The following XKR6 variants were observed in gnomAD, a reference collection of about 807,000 sequenced individuals.
The protein encoded by XKR6 is XK related 6, also known as XK-related protein 6.
A neutral mutation model predicts 56.7 loss-of-function variants in XKR6; 22 were observed. The ratio of observed to expected loss-of-function variants is 0.39; its 90% CI spans 0.28 to 0.55. The LOEUF is 0.55. XKR6 is among the 20% of genes least tolerant of loss of function. The probability of loss-of-function intolerance (pLI) is 0.66; values close to 1 mark genes in which losing one functional copy is unlikely to be tolerated. For synonymous variants in XKR6, 524 were observed against 387.8 expected, an observed-to-expected ratio of 1.35 and a Z score of -4.13; for missense variants, 852 against 889.0, an observed-to-expected ratio of 0.96 and a Z score of 0.53.
chr8:10,930,574 G>C (rs576949978), intron 1 of XKR6, among the ~76,000 whole-genome samples: 8 of 152,154 alleles, frequency 5.3e-5, no homozygotes, highest in Non-Finnish European at 1.0e-4. Context: ...ATTAAATCCA[G>C]TAATATATGG....
intron 1 of XKR6, among the ~76,000 whole-genome samples, chr8:11,165,922 G>C (rs182315520): frequency 6.6e-5 from 10 of 150,436 alleles, no homozygotes; most frequent in African/African-American, 2.5e-4. Flanking sequence ...CTGTTTGATG[G>C]ATACATTCAT....
At chr8:11,158,400 A>G (rs1801631757) in intron 1 of XKR6, among the ~76,000 whole-genome samples, 2 of 152,238 alleles carry the variant, frequency 1.3e-5, no homozygotes, top group African/African-American at 4.8e-5. Flanking sequence ...GAACATGACC[A>G]GTTGTTCAGG....
chr8:11,111,336 G>A (rs1293871670), intron 1 of XKR6, among the ~76,000 whole-genome samples: 2 of 152,032 alleles, frequency 1.3e-5, no homozygotes, highest in Non-Finnish European at 2.9e-5. Flanking sequence ...TCTCCTCATT[G>A]GCACTTCTGC....
At chr8:10,999,890 A>C (rs535868833) in intron 1 of XKR6, among the ~76,000 whole-genome samples, 2 of 152,332 alleles carry the variant, frequency 1.3e-5, no homozygotes, top group African/African-American at 4.8e-5. Flanking sequence ...AAGACCAACT[A>C]GGAGAGCACC....
intron 1 of XKR6, among the ~76,000 whole-genome samples, chr8:10,936,092 G>T (rs1029340372): frequency 2.7e-5 from 4 of 150,198 alleles, no homozygotes; most frequent in African/African-American, 9.7e-5. Context: ...TCCTGTGTTG[G>T]GTGCATATAT....
At chr8:10,976,775 CTCTG>C (rs1160318295) in intron 1 of XKR6, among the ~76,000 whole-genome samples, 13 of 148,042 alleles carry the variant, frequency 8.8e-5, no homozygotes, top group African/African-American at 3.1e-4. Flanking sequence ...CTCTCTCTCT[CTCTG>C]TCTCTCTCTC....
intron 1 of XKR6, among the ~76,000 whole-genome samples, chr8:11,135,242 G>C (rs1483303477): frequency 2.0e-5 from 3 of 152,038 alleles, no homozygotes; most frequent in Non-Finnish European, 4.4e-5. Flanking sequence ...TGTTAGCCAG[G>C]ATGGTCTTGA....
chr8:10,960,674 G>A (rs1802034803), intron 1 of XKR6, among the ~76,000 whole-genome samples: 1 of 152,194 alleles, frequency 6.6e-6, no homozygotes, highest in African/African-American at 2.4e-5. Context: ...TTTGTCCAGG[G>A]TCACGGAGAA....
At chr8:10,999,370 C>G (rs1419633709) in intron 1 of XKR6, among the ~76,000 whole-genome samples, 3 of 152,174 alleles carry the variant, frequency 2.0e-5, no homozygotes, top group Admixed American at 6.5e-5. Flanking sequence ...ATTCAGGATA[C>G]AAATTGTATT....
At chr8:11,086,942 C>T (rs1401262529) in intron 1 of XKR6, among the ~76,000 whole-genome samples, 4 of 152,184 alleles carry the variant, frequency 2.6e-5, no homozygotes, top group Non-Finnish European at 5.9e-5. Flanking sequence ...ACCTTCTTAG[C>T]GATCTCCAGG....
intron 1 of XKR6, among the ~76,000 whole-genome samples, chr8:11,082,429 G>A (rs967633359): frequency 2.0e-5 from 3 of 152,260 alleles, no homozygotes; most frequent in Admixed American, 6.5e-5. Flanking sequence ...CTCCAAAGAG[G>A]TTGGCAGCTT....
intron 1 of XKR6, among the ~76,000 whole-genome samples, chr8:11,008,362 T>G (rs1345119780): frequency 6.6e-6 from 1 of 151,604 alleles, no homozygotes; most frequent in Non-Finnish European, 1.5e-5. Flanking sequence ...CCTTCTTTCC[T>G]TCTTTGTTCC....
chr8:11,111,933 A>T (rs1199594121), intron 1 of XKR6: 1 of 152,244 alleles, frequency 6.6e-6, no homozygotes, highest in African/African-American at 2.4e-5. Context: ...ATGTCAAAGG[A>T]AAGACTTTCT....
intron 1 of XKR6, among the ~76,000 whole-genome samples, chr8:10,943,800 C>G (rs901375438): frequency 6.6e-6 from 1 of 152,134 alleles, no homozygotes; most frequent in Non-Finnish European, 1.5e-5. Context: ...TGCTCTCCTG[C>G]TCTCTTTCTC....
intron 1 of XKR6, among the ~76,000 whole-genome samples, chr8:11,142,356 T>C (rs971929338): frequency 6.6e-6 from 1 of 152,156 alleles, no homozygotes; most frequent in Non-Finnish European, 1.5e-5. Flanking sequence ...TAAGGTCTGA[T>C]CAAAAGGACT....
chr8:11,173,201 G>A (rs1018893179), intron 1 of XKR6, among the ~76,000 whole-genome samples: 33 of 151,254 alleles, frequency 2.2e-4, no homozygotes, highest in South Asian at 1.0e-3. Flanking sequence ...AAAATTAGCC[G>A]GGCGTGGTGG....
At chr8:10,968,300 G>A (rs140730448) in intron 1 of XKR6, among the ~76,000 whole-genome samples, 394 of 152,300 alleles carry the variant, frequency 2.6e-3, no homozygotes, top group African/African-American at 9.2e-3. Flanking sequence ...GATTGGACTC[G>A]GCTCACCCAT....
rs1803333661 is a variant in XKR6, at chr8:11,187,479, T to C, written c.764+13097A>G. Among the ~76,000 whole-genome samples, 4 of 152,150 alleles carry C rather than the reference T, an allele frequency of 2.6e-5. No individual in the cohort carries two copies. In the South Asian group the frequency reaches 8.3e-4, roughly 32 times the overall value. On this transcript the variant is annotated intron_variant, in intron 1 of 2. Coordinates refer to ENST00000416569, the MANE Select transcript of XKR6 (RefSeq NM_173683.4). ...TCCGGGACATGGATTCCTTCCCACA[T>C]GACTGGCAAAATGGGAATGACAACA... is the stretch of plus-strand genomic sequence containing the variant.
At chr8:10,991,959 T>C (rs1172911580) in intron 1 of XKR6, among the ~76,000 whole-genome samples, 1 of 152,228 alleles carries the variant, frequency 6.6e-6, no homozygotes, top group Non-Finnish European at 1.5e-5. Flanking sequence ...ACTTAGATTC[T>C]GTATCCACAT....
Sources: gnomAD v4.1 joint callset for allele counts (sites outside exome capture counted in the v4.1 genomes callset) on GRCh38, gnomAD v4.1.1 for gene constraint, MANE v1.5 for transcripts, NCBI Gene and HGNC (gene_info 2026-07-23, HGNC 2026-07-21) for gene names.